ULK1: variants seen among roughly 807,000 people sequenced by gnomAD.
ULK1 encodes unc-51 like autophagy activating kinase 1, also known as serine/threonine-protein kinase ULK1.
ULK1 carries 48 observed loss-of-function variants against 117.5 expected under a neutral mutation model. That is an observed-to-expected ratio of 0.41 (90% CI 0.32 to 0.52). ULK1 has a LOEUF of 0.52. Among genes scored for constraint, ULK1 ranks in the 20% least tolerant of loss-of-function variants. ULK1 has a pLI of 0.29. For missense variants in ULK1, 1,387 were observed against 1,473.4 expected (o/e 0.94, Z 0.96); for synonymous variants, 790 against 637.8 (o/e 1.24, Z -3.60).
At chr12:131,908,228 A>T (rs1278858411) in intron 5 of ULK1, among the ~76,000 whole-genome samples, 2 of 152,026 alleles carry the variant, frequency 1.3e-5, no homozygotes, top group Admixed American at 6.5e-5. Flanking sequence ...GACCCCACGG[A>T]CCAAGCCTGG....
rs139527932 is a variant in ULK1, at chr12:131,909,141, C to A, written c.570C>A (p.Pro190=). The change falls in exon 8 of 28, where the codon CCC becomes CCA. Residue 190 remains proline, a synonymous_variant. Transcript: ENST00000321867. ...CCCGACTTCTGGTCCCGCAGGCCCC[C>A]GAGGTCATCATGTCCCAGCACTACG... ...TLCGSPMYMA[P]EVIMSQHYDG... is the part of the protein sequence containing the mutation. 1.6e-5 allele frequency: 25 copies of A among 1,607,066 alleles called. No homozygotes were observed. The highest frequency in any genetic ancestry group is 2.0e-5 in the Non-Finnish European group (24 of 1,177,522).
chr12:131,915,174 G>A lies in ULK1; in HGVS notation c.1465G>A (p.Val489Ile), dbSNP rs755669320. Residue 489 changes from valine (V) to isoleucine (I), a missense_variant, in exon 17 of 28, where the codon GTC becomes ATC. Val to Ile is a conservative substitution (Grantham distance 29). This residue lies in a region of ULK1 where 900 missense variants were observed against 858.9 expected (regional missense o/e 1.05). Transcript: ENST00000321867. Reference sequence around the variant, plus strand: ...CCCTGCCCACGCTGAGCATGGAGGCGTCCTGGCCAGGAAGATGTCTCTGGG... The same window carrying A: ...CCCTGCCCACGCTGAGCATGGAGGCATCCTGGCCAGGAAGATGTCTCTGGG... ...SPPAHAEHGG[V>I]LARKMSLGGG... 1.7e-5 allele frequency: 27 copies of A among 1,602,074 alleles called. No homozygotes were observed. In the Admixed American group the frequency reaches 1.7e-4, roughly 10 times the overall value.
At chr12:131,901,302 T>C (rs1393899605) in intron 3 of ULK1, among the ~76,000 whole-genome samples, 4 of 149,598 alleles carry the variant, frequency 2.7e-5, no homozygotes, top group African/African-American at 9.9e-5. Context: ...GAGGTTGCAG[T>C]GAGCTGAGTT....
At chr12:131,900,087 A>T (rs1228206649) in intron 3 of ULK1, among the ~76,000 whole-genome samples, 1 of 135,744 alleles carries the variant, frequency 7.4e-6, no homozygotes, top group Non-Finnish European at 1.5e-5. Flanking sequence ...GCTGCACTCC[A>T]GCCTGGGCGA....
At position 131,907,518 on chromosome 12, in the gene ULK1, C is replaced by T. The variant is rs746940651; in HGVS notation, c.303C>T (p.Ala101=). 6.8e-6 allele frequency: 11 copies of T among 1,612,128 alleles called. No homozygotes were observed. The highest frequency in any genetic ancestry group is 4.4e-5 in the South Asian group (4 of 90,964). Residue 101 remains alanine, a synonymous_variant, in exon 5 of 28, where the codon GCC becomes GCT. Coordinates refer to ENST00000321867, the MANE Select transcript of ULK1 (RefSeq NM_003565.4). ...VMEYCNGGDL[A]DYLHAMRTLS... ...AGTACTGCAACGGTGGGGACCTGGC[C>T]GACTACCTGCACGGTGAGTGCACAG...
At chr12:131,907,025 T>C in intron 4 of ULK1, 101 bp downstream of exon 4, 1 of 1,524,624 alleles carries the variant, frequency 6.6e-7, no homozygotes, top group Non-Finnish European at 9.0e-7. Flanking sequence ...TGAGCACCTT[T>C]TCTTTTTTTT....
rs190176914 is a variant in ULK1, at chr12:131,900,016, C to T, written c.246+4192C>T. Among the ~76,000 whole-genome samples the T allele has an allele frequency of 7.7e-4, 114 of 148,748 alleles. 1 individual carries two copies. Among genetic ancestry groups the T allele is most frequent in the Middle Eastern group, 3.5e-3 (1 of 286 alleles). On this transcript the variant is annotated intron_variant, in intron 3 of 27. Transcript: ENST00000321867. ...CCTGTAGTCCCAGCTACTCATGAGG[C>T]TGAGGCAGGAGAATCGCTTGAACCC... is the stretch of plus-strand genomic sequence containing the variant.
In ULK1 at chr12:131,919,898, A is replaced by G. The variant is rs985880305; in HGVS notation, c.2804-81A>G. 5 of 1,543,324 alleles carry G rather than the reference A, an allele frequency of 3.2e-6. No individual in the cohort carries two copies. In the African/African-American group the frequency reaches 4.1e-5, roughly 13 times the overall value. ...CAGGGAGGGAGGGACGTGCTCGCTC[A>G]GTGCACCGGGCAGATCATGGCCACT... On this transcript the variant is annotated intron_variant, in intron 25 of 27. Transcript: ENST00000321867.
intron 26 of ULK1, chr12:131,920,887 C>T (rs559976373): frequency 4.0e-5 from 26 of 644,742 alleles, no homozygotes; most frequent in Non-Finnish European, 5.6e-5. Flanking sequence ...GGGCTGAGAG[C>T]GCTGGCCAGG....
rs567992862 is a variant in ULK1, at chr12:131,909,257, C to T, written c.666+20C>T. On this transcript the variant is annotated intron_variant, in intron 8 of 27. Coordinates refer to ENST00000321867, the MANE Select transcript of ULK1 (RefSeq NM_003565.4). ...TTCCAGGTAACTGGGCTTGGCCCTG[C>T]TCCCCACGCCGCACCGTCAGTGCAA... 6.4e-7 allele frequency: 1 copy of T among 1,552,358 alleles called. No homozygotes were observed. Among genetic ancestry groups the T allele is most frequent in the African/African-American group, 1.4e-5 (1 of 73,244 alleles).
At chr12:131,914,265 T>G in intron 15 of ULK1, 87 bp from the exon 16 acceptor site, 1 of 1,561,346 alleles carries the variant, frequency 6.4e-7, no homozygotes, top group Non-Finnish European at 8.6e-7. Context: ...AGTCTGGGCC[T>G]AGGCTTTCTT....
In ULK1 at chr12:131,898,191, C is replaced by T. The variant is rs1044084179; in HGVS notation, c.246+2367C>T. Reference sequence around the variant, plus strand: ...CTGCCGTGGTGATTTTCAGCCATGGCGTGCCTGTTGCCCGAGATTCCATAA... The same window carrying T: ...CTGCCGTGGTGATTTTCAGCCATGGTGTGCCTGTTGCCCGAGATTCCATAA... On this transcript the variant is annotated intron_variant, in intron 3 of 27. Transcript: ENST00000321867. 3.1e-4 allele frequency: 47 copies of T among 152,230 alleles called. 2 individuals are homozygous for T. The highest frequency in any genetic ancestry group is 3.8e-4 in the Non-Finnish European group (26 of 68,044). The allele number at this position is 152,230 out of a possible 1,614,324, so 9.4% of individuals were successfully genotyped here.
chr12:131,911,791 C>T (rs564969286), intron 12 of ULK1, 151 bp from the exon 13 acceptor site: 16 of 1,088,486 alleles, frequency 1.5e-5, no homozygotes, highest in South Asian at 7.3e-5. Flanking sequence ...CAGAGAAGAG[C>T]GGAGCACAGG....
intron 3 of ULK1, among the ~76,000 whole-genome samples, chr12:131,900,754 A>G (rs1279976069): frequency 6.6e-6 from 1 of 152,234 alleles, no homozygotes; most frequent in African/African-American, 2.4e-5. Flanking sequence ...AGTTACTTGC[A>G]GTGGAGACCT....
In ULK1 at chr12:131,923,089, T is replaced by C. The variant is rs1282750155; in HGVS notation, c.*1728T>C. On this transcript the variant is annotated 3_prime_UTR_variant, in exon 28 of 28. Coordinates refer to ENST00000321867, the MANE Select transcript of ULK1 (RefSeq NM_003565.4). Reference sequence around the variant, plus strand: ...TATTTTAAAGCGAATTTTGTGTGATTTCCTGCCCTTTGCGTTATATTGTAT... The same window carrying C: ...TATTTTAAAGCGAATTTTGTGTGATCTCCTGCCCTTTGCGTTATATTGTAT... 1.3e-5 allele frequency: 2 copies of C among 152,258 alleles called. No homozygotes were observed. Among genetic ancestry groups the C allele is most frequent in the East Asian group, 3.8e-4 (2 of 5,196 alleles). The allele number at this position is 152,258 out of a possible 1,614,324, so 9.4% of individuals were successfully genotyped here. A position where few individuals can be genotyped will look rare whatever the true frequency, so the allele number is the denominator to read the frequency against.
At chr12:131,911,836 G>A in intron 12 of ULK1, 106 bp from the exon 13 acceptor site, 3 of 1,511,340 alleles carry the variant, frequency 2.0e-6, no homozygotes, top group Middle Eastern at 1.7e-4. Flanking sequence ...CAGCCCCAGC[G>A]CCCCGATCTT....
intron 25 of ULK1, 79 bp from the exon 26 acceptor site, chr12:131,919,900 T>C: frequency 6.5e-7 from 1 of 1,550,050 alleles, no homozygotes; most frequent in Non-Finnish European, 8.8e-7. Context: ...GCTCGCTCAG[T>C]GCACCGGGCA....
Position 131,914,448 on chromosome 12 carries a change from G to T in ULK1, c.1344G>T (p.Leu448=). The stretch of plus-strand genomic sequence containing the variant: ...ACTACCAGCGCATTGAGCGAAACCT[G>T]CAGTCACCCACCCAGTTCCAAACAC... ...VQNYQRIERN[L]QSPTQFQTPR... Residue 448 remains leucine (L), a synonymous_variant, in exon 16 of 28, where the codon CTG becomes CTT. Transcript: ENST00000321867. The T allele has an allele frequency of 6.2e-7, 1 of 1,612,744 alleles. No individual in the cohort carries two copies. The highest frequency in any genetic ancestry group is 1.1e-5 in the South Asian group (1 of 91,082).
chr12:131,917,312 C>G lies in ULK1; in HGVS notation c.2183-99C>G, dbSNP rs1459351279. ...GCTGTGGGACGGGGGTTGGGGGGAG[C>G]TCGGAGGCCGTGGGATGGGGGTCGG... is the stretch of plus-strand genomic sequence containing the variant. On this transcript the variant is annotated intron_variant, in intron 21 of 27. Coordinates refer to ENST00000321867, the MANE Select transcript of ULK1 (RefSeq NM_003565.4). 103 of 312,600 alleles carry G rather than the reference C, an allele frequency of 3.3e-4. 35 individuals carry two copies. Among genetic ancestry groups the G allele is most frequent in the Admixed American group, 5.6e-4 (3 of 5,360 alleles). The allele number at this position is 312,600 out of a possible 1,614,324, so 19.4% of individuals were successfully genotyped here.
Sources: allele counts gnomAD v4.1 joint callset (sites outside exome capture counted in the v4.1 genomes callset), GRCh38; gene constraint gnomAD v4.1.1; regional missense constraint gnomAD v4.1.1; transcripts MANE v1.5; gene names NCBI Gene and HGNC (gene_info 2026-07-23, HGNC 2026-07-21).